Variants in CNBD1 observed in about 807,000 individuals in gnomAD.
CNBD1 encodes cyclic nucleotide-binding domain-containing protein 1.
CNBD1 carries 71 observed loss-of-function variants against 54.4 expected under a neutral mutation model. The ratio of observed to expected loss-of-function variants is 1.30; its 90% CI spans 1.08 to 1.59. The LOEUF (loss-of-function observed/expected upper bound fraction) is 1.59. CNBD1 is among the 40% of genes most tolerant of loss of function. The probability of loss-of-function intolerance (pLI) is 0.00; values close to 1 mark genes in which losing one functional copy is unlikely to be tolerated. For missense variants in CNBD1, 659 were observed against 518.0 expected (o/e 1.27, Z -2.64); for synonymous variants, 182 against 170.7 (o/e 1.07, Z -0.51).
chr8:86,979,309 T>C (rs1417417015), intron 4 of CNBD1, among the ~76,000 whole-genome samples: 1 of 144,852 alleles, frequency 6.9e-6, no homozygotes, highest in Non-Finnish European at 1.5e-5. Flanking sequence ...CTCATGCTTG[T>C]AATCCTGGCT....
At chr8:87,180,245 T>G (rs1813284382) in intron 4 of CNBD1, among the ~76,000 whole-genome samples, 1 of 152,226 alleles carries the variant, frequency 6.6e-6, no homozygotes, top group African/African-American at 2.4e-5. Flanking sequence ...TCATTATATT[T>G]TAAGCATGAA....
intron 4 of CNBD1, among the ~76,000 whole-genome samples, chr8:87,085,127 G>A (rs1811071656): frequency 6.6e-6 from 1 of 151,790 alleles, no homozygotes; most frequent in Admixed American, 6.6e-5. Context: ...TTCCCCTTTT[G>A]AGATTTCAAT....
chr8:87,354,654 G>A (rs532717230), intron 10 of CNBD1, among the ~76,000 whole-genome samples: 3 of 151,976 alleles, frequency 2.0e-5, no homozygotes, highest in Admixed American at 2.0e-4. Flanking sequence ...AGAACATGCG[G>A]TGTTTGGTTT....
intron 4 of CNBD1, among the ~76,000 whole-genome samples, chr8:87,056,926 T>C (rs1309277428): frequency 6.6e-6 from 1 of 152,204 alleles, no homozygotes; most frequent in Non-Finnish European, 1.5e-5. Context: ...GCCCTCATGA[T>C]CTGTCCTTTG....
intron 2 of CNBD1, among the ~76,000 whole-genome samples, chr8:86,900,011 C>G (rs1278267284): frequency 6.6e-6 from 1 of 152,094 alleles, no homozygotes; most frequent in Non-Finnish European, 1.5e-5. Flanking sequence ...CTCACTTTCC[C>G]CCCTCTTTTC....
At chr8:87,326,227 G>A (rs954074396) in intron 8 of CNBD1, among the ~76,000 whole-genome samples, 1 of 122,888 alleles carries the variant, frequency 8.1e-6, no homozygotes, top group Non-Finnish European at 1.8e-5. Flanking sequence ...CTCTCTGGCT[G>A]CCCTTAACAT....
chr8:87,123,872 T>C (rs928921779), intron 4 of CNBD1, among the ~76,000 whole-genome samples: 4 of 151,578 alleles, frequency 2.6e-5, no homozygotes, highest in Non-Finnish European at 5.9e-5. Context: ...TAATAACTAA[T>C]TGGATAATCT....
intron 4 of CNBD1, among the ~76,000 whole-genome samples, chr8:87,099,380 G>A (rs1288410215): frequency 3.9e-5 from 6 of 151,972 alleles, no homozygotes; most frequent in South Asian, 2.1e-4. Context: ...ATTTTTTGGC[G>A]GGTAAATAAT....
At chr8:87,398,047 G>T (rs1424530099) in intron 2 of CNBD1, among the ~76,000 whole-genome samples, 1 of 151,256 alleles carries the variant, frequency 6.6e-6, no homozygotes, top group Non-Finnish European at 1.5e-5. Flanking sequence ...CTCAGTCTCG[G>T]GTATATCTTT....
At chr8:87,365,457 C>A (rs1261234261) in intron 10 of CNBD1, among the ~76,000 whole-genome samples, 1 of 151,814 alleles carries the variant, frequency 6.6e-6, no homozygotes, top group Non-Finnish European at 1.5e-5. Flanking sequence ...TTGATTTTAG[C>A]CCATAAAAAA....
intron 6 of CNBD1, among the ~76,000 whole-genome samples, chr8:87,276,664 T>G (rs1409919051): frequency 6.6e-6 from 1 of 151,844 alleles, no homozygotes; most frequent in Non-Finnish European, 1.5e-5. Flanking sequence ...AAAAGCTGAA[T>G]AACACCAAAT....
intron 4 of CNBD1, among the ~76,000 whole-genome samples, chr8:87,142,333 G>A (rs1812387786): frequency 6.6e-6 from 1 of 152,126 alleles, no homozygotes; most frequent in African/African-American, 2.4e-5. Flanking sequence ...TTTTCCAAAA[G>A]CTTCAAGTAA....
chr8:87,291,762 G>T (rs969833616), intron 8 of CNBD1, among the ~76,000 whole-genome samples: 1 of 151,938 alleles, frequency 6.6e-6, no homozygotes, highest in African/African-American at 2.4e-5. Context: ...GAGACTAAAG[G>T]CACATGCCAC....
At chr8:87,379,018 T>G (rs1811014810) in intron 10 of CNBD1, among the ~76,000 whole-genome samples, 1 of 150,226 alleles carries the variant, frequency 6.7e-6, no homozygotes, top group Non-Finnish European at 1.5e-5. Flanking sequence ...AACTGAGACT[T>G]TGCTGAAGTT....
chr8:86,985,036 G>C (rs925526218), intron 4 of CNBD1, among the ~76,000 whole-genome samples: 1 of 152,172 alleles, frequency 6.6e-6, no homozygotes, highest in African/African-American at 2.4e-5. Flanking sequence ...GAGGGATCCA[G>C]TGGGAGGTAA....
At chr8:87,387,510 A>G (rs76695604), downstream of CNBD1, among the ~76,000 whole-genome samples, 85,977 of 151,852 alleles carry the variant, frequency 0.57, 25,853 homozygotes, top group African/African-American at 0.77. Flanking sequence ...AGACAAAGAA[A>G]GCCATTACAT....
At chr8:87,324,436 G>A (rs1284249117) in intron 8 of CNBD1, among the ~76,000 whole-genome samples, 17 of 139,806 alleles carry the variant, frequency 1.2e-4, no homozygotes, top group Admixed American at 2.9e-4. Flanking sequence ...CTGGTCCTGG[G>A]CTCTTTTTGG....
At chr8:87,125,036 C>G (rs1344525230) in intron 4 of CNBD1, among the ~76,000 whole-genome samples, 1 of 151,678 alleles carries the variant, frequency 6.6e-6, no homozygotes, top group Non-Finnish European at 1.5e-5. Context: ...GTTAGGCAAA[C>G]AGTTCCATTT....
chr8:87,105,837 G>A (rs897246991), intron 4 of CNBD1, among the ~76,000 whole-genome samples: 5 of 152,082 alleles, frequency 3.3e-5, no homozygotes, highest in African/African-American at 9.7e-5. Context: ...GATCCTGAGA[G>A]GAGGTCTCGG....
Sources: allele counts gnomAD v4.1 joint callset (sites outside exome capture counted in the v4.1 genomes callset), GRCh38; gene constraint gnomAD v4.1.1; transcripts MANE v1.5; gene names NCBI Gene and HGNC (gene_info 2026-07-23, HGNC 2026-07-21).